CARMIL1: variants seen among roughly 807,000 people sequenced by gnomAD.
CARMIL1 encodes F-actin-uncapping protein LRRC16A.
A neutral mutation model predicts 177.1 loss-of-function variants in CARMIL1; 90 were observed. The observed-to-expected ratio is 0.51, with a 90% confidence interval of 0.43 to 0.61. The LOEUF is 0.61. Ranked by LOEUF, CARMIL1 falls within the 20% of genes least tolerant of loss-of-function variation. The pLI is 0.00. For missense variants in CARMIL1, 1,380 were observed against 1,667.0 expected (o/e 0.83, Z 3.00); for synonymous variants, 577 against 606.2 (o/e 0.95, Z 0.71).
intron 2 of CARMIL1, among the ~76,000 whole-genome samples, chr6:25,411,840 A>C (rs920067682): frequency 1.3e-5 from 2 of 152,136 alleles, no homozygotes; most frequent in Non-Finnish European, 2.9e-5. Flanking sequence ...CAGAGATCTA[A>C]GGGGGAATTA....
intron 2 of CARMIL1, among the ~76,000 whole-genome samples, chr6:25,342,864 T>TTCC (rs1562009864): frequency 6.6e-6 from 1 of 152,214 alleles, no homozygotes; most frequent in Non-Finnish European, 1.5e-5. Flanking sequence ...GCCTTCTACC[T>TTCC]TCCTCCTCCT....
intron 2 of CARMIL1, among the ~76,000 whole-genome samples, chr6:25,347,355 C>T (rs1787623269): frequency 6.6e-6 from 1 of 152,172 alleles, no homozygotes; most frequent in African/African-American, 2.4e-5. Flanking sequence ...ACCAACAGCC[C>T]ATTGATCTCC....
At chr6:25,293,860 T>C (rs1326664755) in intron 2 of CARMIL1, among the ~76,000 whole-genome samples, 1 of 152,160 alleles carries the variant, frequency 6.6e-6, no homozygotes, top group Non-Finnish European at 1.5e-5. Context: ...TGGCTAAGAC[T>C]ACAGGCATGG....
rs537518451 is a variant in CARMIL1, at chr6:25,403,014, T to G, written c.139-17100T>G. 5.1e-4 allele frequency among the ~76,000 whole-genome samples: 78 copies of G among 151,868 alleles called. 3 individuals are homozygous for G. The South Asian group carries it at 0.015, about 30-fold the overall frequency. On this transcript the variant is annotated intron_variant, in intron 2 of 36. Transcript: ENST00000329474. Reference sequence around the variant, plus strand: ...GAGGACAAACATAATTTGATAATCTTCAGAATAACACTTGGAAAATTCTGG... The same window carrying G: ...GAGGACAAACATAATTTGATAATCTGCAGAATAACACTTGGAAAATTCTGG...
intron 2 of CARMIL1, among the ~76,000 whole-genome samples, chr6:25,304,704 C>T (rs753312328): frequency 7.2e-4 from 110 of 152,236 alleles, no homozygotes; most frequent in Non-Finnish European, 6.6e-4. Context: ...GTTGGGGACA[C>T]CTGCTATAGA....
chr6:25,334,970 T>A (rs1420687718), intron 2 of CARMIL1, among the ~76,000 whole-genome samples: 2 of 152,232 alleles, frequency 1.3e-5, no homozygotes, highest in African/African-American at 2.4e-5. Flanking sequence ...ATTTCGTCTT[T>A]GCTACCGTCC....
At chr6:25,427,600 A>G (rs896786006) in intron 4 of CARMIL1, among the ~76,000 whole-genome samples, 7 of 152,176 alleles carry the variant, frequency 4.6e-5, no homozygotes, top group African/African-American at 1.7e-4. Context: ...TGAATTGTAT[A>G]GTAGCTATAT....
intron 5 of CARMIL1, among the ~76,000 whole-genome samples, chr6:25,441,389 G>GTC: frequency 7.2e-6 from 1 of 139,556 alleles, no homozygotes; most frequent in Admixed American, 7.3e-5. Context: ...GTGTGTGTGT[G>GTC]TATGTATATG....
At chr6:25,592,973 G>C (rs1277784633) in intron 31 of CARMIL1, among the ~76,000 whole-genome samples, 1 of 152,178 alleles carries the variant, frequency 6.6e-6, no homozygotes, top group Non-Finnish European at 1.5e-5. Flanking sequence ...AAAGAGACAT[G>C]CTAACTTAGT....
intron 2 of CARMIL1, chr6:25,388,398 G>A (rs111689622): frequency 0.14 from 21,746 of 151,658 alleles, 1,798 homozygotes; most frequent in East Asian, 0.32. Flanking sequence ...ATGAAGTCTC[G>A]CTCTGTCGCC....
intron 29 of CARMIL1, among the ~76,000 whole-genome samples, chr6:25,562,390 GGCGCCTGCCACC>G (rs2151195478): frequency 6.6e-6 from 1 of 152,180 alleles, no homozygotes; most frequent in Admixed American, 6.5e-5. Context: ...TGGGATTACA[GGCGCCTGCCACC>G]GCGCCTGGCT....
rs113633544 is a variant in CARMIL1 at position 25,374,593 on chromosome 6, G to C, written c.139-45521G>C. The stretch of plus-strand genomic sequence containing the variant: ...TGTTTCTTAGTTGACTTTCTTCCTT[G>C]ATGATCTGTGTGGTGCTGTTAGAGG... On this transcript the variant is annotated intron_variant, in intron 2 of 36. Coordinates refer to ENST00000329474, the MANE Select transcript of CARMIL1 (RefSeq NM_017640.6). 3.1e-3 allele frequency among the ~76,000 whole-genome samples: 467 copies of C among 152,234 alleles called. 1 individual carries two copies. The highest frequency in any genetic ancestry group is 0.01 in the African/African-American group (429 of 41,538).
intron 26 of CARMIL1, among the ~76,000 whole-genome samples, chr6:25,545,382 A>T (rs1272195823): frequency 6.7e-6 from 1 of 150,108 alleles, no homozygotes; most frequent in East Asian, 2.0e-4. Context: ...GTTTTCCAGA[A>T]ATATGTAAGA....
chr6:25,355,150 T>TA (rs1278031223), intron 2 of CARMIL1, among the ~76,000 whole-genome samples: 1 of 152,222 alleles, frequency 6.6e-6, no homozygotes, highest in Non-Finnish European at 1.5e-5. Flanking sequence ...CCCTTTGGTT[T>TA]CCTACATAGG....
chr6:25,615,202 CT>C (rs1228755330), intron 36 of CARMIL1, among the ~76,000 whole-genome samples: 31 of 152,310 alleles, frequency 2.0e-4, no homozygotes, highest in African/African-American at 7.5e-4. Flanking sequence ...CTTATACTTT[CT>C]TTTAAGTCTT....
Position 25,515,937 on chromosome 6 carries a change from C to T in CARMIL1, c.1805+90C>T, listed in dbSNP as rs1294936513. ...TGCAGAGCTGCTGGGCCCGAGGGGA[C>T]CTGGGCTTCCCATGAGGCCATCTTG... On this transcript the variant is annotated intron_variant, in intron 21 of 36. Coordinates refer to ENST00000329474, the MANE Select transcript of CARMIL1 (RefSeq NM_017640.6). The surrounding 1 kb of genome is among the most constrained non-coding windows in gnomAD (Gnocchi z 5.0). The T allele has an allele frequency of 3.1e-6, 4 of 1,311,238 alleles. No individual in the cohort carries two copies. The South Asian group carries it at 6.5e-5, about 21-fold the overall frequency. 81.2% of individuals were successfully genotyped at this position (1,311,238 alleles called of 1,614,324 possible).
At chr6:25,429,855 A>G (rs905376966) in intron 4 of CARMIL1, among the ~76,000 whole-genome samples, 1 of 147,086 alleles carries the variant, frequency 6.8e-6, no homozygotes, top group South Asian at 2.1e-4. Context: ...ATTATTATAT[A>G]TATATTTTTG....
Position 25,454,808 on chromosome 6 carries a change from A to G in CARMIL1, c.614+4097A>G, listed in dbSNP as rs139309619. Reference sequence around the variant, plus strand: ...ATTTCGATGTAGTAGAAGCTTCAACATGCTAATTCATGAAAGTATCAGTCT... The same window carrying G: ...ATTTCGATGTAGTAGAAGCTTCAACGTGCTAATTCATGAAAGTATCAGTCT... On this transcript the variant is annotated intron_variant, in intron 8 of 36. Coordinates refer to ENST00000329474, the MANE Select transcript of CARMIL1 (RefSeq NM_017640.6). Among the ~76,000 whole-genome samples the G allele has an allele frequency of 5.3e-5, 8 of 152,354 alleles. No homozygotes were observed. In the East Asian group the frequency reaches 1.5e-3, roughly 29 times the overall value.
chr6:25,498,314 G>T (rs1803945128), intron 16 of CARMIL1, among the ~76,000 whole-genome samples: 1 of 152,180 alleles, frequency 6.6e-6, no homozygotes, highest in Non-Finnish European at 1.5e-5. Flanking sequence ...GAAGATGGTT[G>T]TTAAGGCAAT....
Sources: gnomAD v4.1 joint callset for allele counts (sites outside exome capture counted in the v4.1 genomes callset) on GRCh38, gnomAD v4.1.1 for gene constraint, Gnocchi (gnomAD v3.1) non-coding constraint, MANE v1.5 for transcripts, NCBI Gene and HGNC (gene_info 2026-07-23, HGNC 2026-07-21) for gene names.